Variants in ZNF236 observed in about 807,000 individuals in gnomAD.
The protein encoded by ZNF236 is zinc finger protein 236.
A neutral mutation model predicts 191.2 loss-of-function variants in ZNF236; 50 were observed. That is an observed-to-expected ratio of 0.26 (90% CI 0.21 to 0.33). The LOEUF (loss-of-function observed/expected upper bound fraction) is 0.33. Among genes scored for constraint, ZNF236 ranks in the 10% least tolerant of loss-of-function variants. The pLI, the probability that ZNF236 is intolerant of heterozygous loss-of-function variation, is 1.00. For missense variants in ZNF236, 1,754 were observed against 2,374.5 expected, an observed-to-expected ratio of 0.74 and a Z score of 5.43; for synonymous variants, 907 against 928.8, an observed-to-expected ratio of 0.98 and a Z score of 0.43.
Position 76,849,525 on chromosome 18 carries a change from G to A in ZNF236, c.56-1G>A. ...TTGTCTATACTTATGCAATTTTATA[G>A]ATGGAGTTTTAACATTGAATGCGGA... On this transcript the variant is annotated splice_acceptor_variant, in intron 1 of 30. Transcript: ENST00000320610. LOFTEE classifies it high-confidence loss of function. 1 of 1,601,340 alleles carries A rather than the reference G, an allele frequency of 6.2e-7. No individual in the cohort carries two copies. Among genetic ancestry groups the A allele is most frequent in the Non-Finnish European group, 8.5e-7 (1 of 1,175,946 alleles).
chr18:76,929,120 A>G (rs1387368114), intron 25 of ZNF236, among the ~76,000 whole-genome samples: 1 of 150,376 alleles, frequency 6.6e-6, no homozygotes, highest in Non-Finnish European at 1.5e-5. Context: ...ATTTCTGCAG[A>G]AATTAATTTC....
At chr18:76,959,947 TC>T (rs1398822606) in intron 29 of ZNF236, 131 bp downstream of exon 29, 1 of 1,124,472 alleles carries the variant, frequency 8.9e-7, no homozygotes, top group African/African-American at 1.6e-5. Flanking sequence ...GTCCACATGT[TC>T]CATTTCTCCT....
intron 1 of ZNF236, among the ~76,000 whole-genome samples, chr18:76,828,230 G>C (rs112705017): frequency 0.017 from 2,567 of 151,452 alleles, 68 homozygotes; most frequent in African/African-American, 0.058. Context: ...GCAGTGGCAT[G>C]ATCTTGGCTC....
intron 25 of ZNF236, among the ~76,000 whole-genome samples, chr18:76,933,027 G>A (rs1967898783): frequency 6.6e-6 from 1 of 152,222 alleles, no homozygotes; most frequent in African/African-American, 2.4e-5. Flanking sequence ...ACTCAGGTGA[G>A]GGTCCTTTCA....
intron 30 of ZNF236, among the ~76,000 whole-genome samples, chr18:76,966,218 C>T (rs767805458): frequency 2.0e-5 from 3 of 152,134 alleles, no homozygotes; most frequent in Non-Finnish European, 4.4e-5. Context: ...CCCTTTGAGT[C>T]GGAGGTGCAG....
chr18:76,824,886 C>T (rs546356523), intron 1 of ZNF236, among the ~76,000 whole-genome samples: 5 of 152,334 alleles, frequency 3.3e-5, no homozygotes, highest in Middle Eastern at 3.4e-3. Flanking sequence ...CAGGAGCCCC[C>T]TTCCTGGGCC....
In ZNF236 at chr18:76,847,748, C is replaced by A. The variant is rs185215963; in HGVS notation, c.56-1778C>A. Among the ~76,000 whole-genome samples, 34 of 152,258 alleles carry A rather than the reference C, an allele frequency of 2.2e-4. No homozygotes were observed. The South Asian group carries it at 7.0e-3, about 32-fold the overall frequency. On this transcript the variant is annotated intron_variant, in intron 1 of 30. Transcript: ENST00000320610. ...CCTCCTGCCTCCCAAAGTGCTGGGA[C>A]TACAGGCGTGAGCCCCTCCGCCCGG... is the stretch of plus-strand genomic sequence containing the variant.
intron 26 of ZNF236, among the ~76,000 whole-genome samples, chr18:76,942,563 G>C (rs941710945): frequency 6.6e-6 from 1 of 151,372 alleles, no homozygotes; most frequent in Non-Finnish European, 1.5e-5. Context: ...CCAGGCTGGA[G>C]TGCAGTGGCA....
intron 1 of ZNF236, among the ~76,000 whole-genome samples, chr18:76,823,337 C>T (rs925896054): frequency 6.6e-6 from 1 of 150,942 alleles, no homozygotes; most frequent in African/African-American, 2.4e-5. Context: ...AACCCTGAGC[C>T]TCTGCAGACG....
intron 12 of ZNF236, among the ~76,000 whole-genome samples, chr18:76,904,875 C>T (rs1266444488): frequency 1.3e-5 from 2 of 152,134 alleles, no homozygotes; most frequent in African/African-American, 4.8e-5. Context: ...GGAAGTCGAA[C>T]CTTGATCATG....
At chr18:76,896,093 C>G (rs546005954) in intron 10 of ZNF236, among the ~76,000 whole-genome samples, 1 of 150,872 alleles carries the variant, frequency 6.6e-6, no homozygotes, top group Non-Finnish European at 1.5e-5. Flanking sequence ...ATACAGGTAC[C>G]GCACACAGTT....
intron 3 of ZNF236, among the ~76,000 whole-genome samples, chr18:76,861,952 C>T (rs955881679): frequency 2.6e-5 from 4 of 152,216 alleles, no homozygotes; most frequent in Admixed American, 6.5e-5. Flanking sequence ...CAAGCTCCAC[C>T]TCCTGGGTTC....
chr18:76,952,731 C>T (rs1599422808), intron 27 of ZNF236, among the ~76,000 whole-genome samples: 1 of 152,290 alleles, frequency 6.6e-6, no homozygotes, highest in Middle Eastern at 3.4e-3. Context: ...CTGCTTGAGC[C>T]CAGGAGTTCG....
intron 7 of ZNF236, among the ~76,000 whole-genome samples, chr18:76,879,805 C>T (rs544782213): frequency 6.6e-6 from 1 of 152,044 alleles, no homozygotes; most frequent in Non-Finnish European, 1.5e-5. Context: ...TTTAAAAATT[C>T]CTTCACTTCA....
At chr18:76,839,056 A>G (rs1212989972) in intron 1 of ZNF236, among the ~76,000 whole-genome samples, 1 of 152,226 alleles carries the variant, frequency 6.6e-6, no homozygotes, top group African/African-American at 2.4e-5. Context: ...TGTAGAGCAG[A>G]AGTTTGCTCA....
At chr18:76,915,045 T>C (rs1274098219) in intron 18 of ZNF236, among the ~76,000 whole-genome samples, 2 of 152,172 alleles carry the variant, frequency 1.3e-5, no homozygotes, top group Non-Finnish European at 2.9e-5. Flanking sequence ...AAGGACATGC[T>C]ACGGAGGCAG....
intron 20 of ZNF236, 61 bp from the exon 21 acceptor site, chr18:76,923,010 T>TA: frequency 7.8e-7 from 1 of 1,286,598 alleles, no homozygotes. Context: ...TTTATATAGT[T>TA]ATAAATTTCA....
chr18:76,891,791 A>G (rs1438286835), intron 9 of ZNF236, among the ~76,000 whole-genome samples: 2 of 152,042 alleles, frequency 1.3e-5, no homozygotes, highest in Non-Finnish European at 2.9e-5. Context: ...TTGAAATGTA[A>G]TGCCACCTTG....
chr18:76,913,038 T>C (rs926795637), intron 17 of ZNF236, among the ~76,000 whole-genome samples: 2 of 152,248 alleles, frequency 1.3e-5, no homozygotes, highest in Non-Finnish European at 2.9e-5. Context: ...TAGTTGCCTC[T>C]ACGTGGGCAC....
Sources: gnomAD v4.1 joint callset for allele counts (sites outside exome capture counted in the v4.1 genomes callset) on GRCh38, gnomAD v4.1.1 for gene constraint, MANE v1.5 for transcripts, NCBI Gene and HGNC (gene_info 2026-07-23, HGNC 2026-07-21) for gene names.